The following PGC variants were observed in gnomAD, a reference collection of about 807,000 sequenced individuals.
PGC encodes progastricsin, also known as gastricsin.
Under a neutral mutation model 45.9 loss-of-function variants are expected in PGC, and 31 were observed. The ratio of observed to expected loss-of-function variants is 0.67; its 90% CI spans 0.51 to 0.91. The LOEUF (loss-of-function observed/expected upper bound fraction) is 0.91. Among genes scored for constraint, PGC ranks in the 40% least tolerant of loss-of-function variants. The pLI is 0.00. For missense variants in PGC, 477 were observed against 493.2 expected (o/e 0.97, Z 0.31); for synonymous variants, 192 against 201.8 (o/e 0.95, Z 0.41).
chr6:41,737,075 C>T, intron 8 of PGC, 71 bp from the exon 9 acceptor site: 4 of 1,455,154 alleles, frequency 2.7e-6, no homozygotes, highest in Non-Finnish European at 3.7e-6. Flanking sequence ...AGCTCTGAGC[C>T]CTGGGCTGGG....
rs576275194 is a variant in PGC, at chr6:41,743,516, C to T, written c.329-127G>A. Reference sequence around the variant, plus strand: ...CTCACATCCTGGGACCTCAGCACCCCTGGTTGCCAAGTCAAGGGGTGGCAT... The same window carrying T: ...CTCACATCCTGGGACCTCAGCACCCTTGGTTGCCAAGTCAAGGGGTGGCAT... On this transcript the variant is annotated intron_variant, in intron 3 of 8. Transcript: ENST00000373025. 15 of 698,414 alleles carry T rather than the reference C, an allele frequency of 2.1e-5. No individual in the cohort carries two copies. In the Admixed American group the frequency reaches 3.1e-4, roughly 15 times the overall value. The allele number at this position is 698,414 out of a possible 1,614,324, so 43.3% of individuals were successfully genotyped here.
chr6:41,738,157 C>CATATATATATGCAT lies in PGC; in HGVS notation c.916-330_916-329insATGCATATATATAT, dbSNP rs5875767. Among the ~76,000 whole-genome samples the CATATATATATGCAT allele has an allele frequency of 9.3e-3, 258 of 27,704 alleles. 36 individuals are homozygous for CATATATATATGCAT. Among genetic ancestry groups the CATATATATATGCAT allele is most frequent in the Middle Eastern group, 0.048 (2 of 42 alleles). The allele number at this position is 27,704 out of a possible 152,430, so 18.2% of individuals were successfully genotyped here. ...GCATATATATATGCATATATATATA[C>CATATATATATGCAT]ATATATATGCATATATATATACATA... On this transcript the variant is annotated intron_variant, in intron 7 of 8. Transcript: ENST00000373025.
chr6:41,745,637 C>T (rs1056374034), intron 1 of PGC, among the ~76,000 whole-genome samples: 1 of 151,316 alleles, frequency 6.6e-6, no homozygotes, highest in Non-Finnish European at 1.5e-5. Flanking sequence ...TCAACTTCCA[C>T]CTCCCGAGTT....
At position 41,744,919 on chromosome 6, in the gene PGC, G is replaced by C; in HGVS notation, c.60-111C>G. 1 of 926,218 alleles carries C rather than the reference G, an allele frequency of 1.1e-6. No individual in the cohort carries two copies. The highest frequency in any genetic ancestry group is 1.6e-5 in the South Asian group (1 of 62,118). The allele number at this position is 926,218 out of a possible 1,614,324, so 57.4% of individuals were successfully genotyped here. A position where few individuals can be genotyped will look rare whatever the true frequency, so the allele number is the denominator to read the frequency against. On this transcript the variant is annotated intron_variant, in intron 1 of 8. Transcript: ENST00000373025. The surrounding 1 kb of genome is among the most constrained non-coding windows in gnomAD (Gnocchi z 4.4). ...CATGCTTCAACCTCCCTGCCACTCT[G>C]TTTGTTCCCCCTTGTCTGTGTGTGT...
rs770386779 is a variant in PGC at position 41,742,413 on chromosome 6, T to C, written c.524A>G (p.Gln175Arg). Reference sequence around the variant, plus strand: ...GGCCAGGCCCATGATGCCATCAAACTGCGCATAGACGAAGTTGGTACCAGG... The same window carrying C: ...GGCCAGGCCCATGATGCCATCAAACCGCGCATAGACGAAGTTGGTACCAGG... ...NEPGTNFVYA[Q>R]FDGIMGLAYP... Residue 175 changes from glutamine (Q) to arginine (R), a missense_variant, in exon 5 of 9, where the codon CAG becomes CGG. By Grantham distance (43) the Gln-to-Arg change is conservative (BLOSUM62 1). Transcript: ENST00000373025. 1 of 1,614,078 alleles carries C rather than the reference T, an allele frequency of 6.2e-7. No homozygotes were observed. Among genetic ancestry groups the C allele is most frequent in the South Asian group, 1.1e-5 (1 of 91,074 alleles).
chr6:41,747,137 C>T lies in PGC; in HGVS notation c.59+139G>A, dbSNP rs1771942442. The T allele has an allele frequency of 8.4e-6, 6 of 712,314 alleles. No individual in the cohort carries two copies. The Admixed American group carries it at 1.2e-4, about 14-fold the overall frequency. The allele number at this position is 712,314 out of a possible 1,614,324, so 44.1% of individuals were successfully genotyped here. A position where few individuals can be genotyped will look rare whatever the true frequency, so the allele number is the denominator to read the frequency against. Reference sequence around the variant, plus strand: ...TCCACCCATGTGTCCTGTCTAACATCAGCAAAGGGAGACTTCCCTTCCCCT... The same window carrying T: ...TCCACCCATGTGTCCTGTCTAACATTAGCAAAGGGAGACTTCCCTTCCCCT... On this transcript the variant is annotated intron_variant, in intron 1 of 8. Transcript: ENST00000373025.
At chr6:41,737,515 C>T (rs776788155) in intron 8 of PGC, among the ~76,000 whole-genome samples, 50 of 152,326 alleles carry the variant, frequency 3.3e-4, no homozygotes, top group Non-Finnish European at 5.3e-4. Flanking sequence ...GTGCCTCTCC[C>T]CACTAATTAA....
intron 5 of PGC, chr6:41,741,232 T>C: frequency 6.8e-7 from 1 of 1,480,588 alleles, no homozygotes; most frequent in East Asian, 2.5e-5. Context: ...GCTGCTCTGT[T>C]TACACGCAGA....
rs768294029 is a variant in PGC, at chr6:41,743,300, T to C, written c.418A>G (p.Thr140Ala). The C allele has an allele frequency of 5.0e-6, 8 of 1,613,188 alleles. No homozygotes were observed. In the African/African-American group the frequency reaches 1.1e-4, roughly 22 times the overall value. Reference protein sequence around the residue: ...FSLQYGSGSLTGFFGYDTLTV... With the variant: ...FSLQYGSGSLAGFFGYDTLTV... Reference sequence around the variant, plus strand: ...AGGGTGTCATAGCCAAAGAAGCCGGTGAGGCTGCCACTGCCATACTGCAGG... The same window carrying C: ...AGGGTGTCATAGCCAAAGAAGCCGGCGAGGCTGCCACTGCCATACTGCAGG... Residue 140 changes from threonine to alanine, a missense_variant, in exon 4 of 9, where the codon ACC (threonine) becomes GCC (alanine). Physicochemically the swap from Thr to Ala is moderately conservative, Grantham distance 58. Coordinates refer to ENST00000373025, the MANE Select transcript of PGC (RefSeq NM_002630.4).
At chr6:41,740,696 A>G (rs963523151) in intron 5 of PGC, 86 bp from the exon 6 acceptor site, 3 of 1,505,066 alleles carry the variant, frequency 2.0e-6, no homozygotes, top group Non-Finnish European at 2.7e-6. Flanking sequence ...AGGGAAACAG[A>G]GCTCCTTCCC....
At position 41,743,377 on chromosome 6, in the gene PGC, C is replaced by A; in HGVS notation, c.341G>T (p.Arg114Leu). Residue 114 changes from arginine (R) to leucine (L), a missense_variant, in exon 4 of 9, where the codon CGC becomes CTC. Arg to Leu is a moderately radical substitution (Grantham distance 102). Coordinates refer to ENST00000373025, the MANE Select transcript of PGC (RefSeq NM_002630.4). ...GGTGGACGACTCGCTGGGGTTGAAG[C>A]GGGAGTGACTGGCTGCAGGGGAGTC... ...CQSQACTSHS[R>L]FNPSESSTYS... 6.2e-7 allele frequency: 1 copy of A among 1,611,908 alleles called. No individual in the cohort carries two copies. Among genetic ancestry groups the A allele is most frequent in the Non-Finnish European group, 8.5e-7 (1 of 1,178,042 alleles).
Position 41,743,313 on chromosome 6 carries a change from G to A in PGC, c.405C>T (p.Gly135=), listed in dbSNP as rs765453628. ...TNGQTFSLQY[G]SGSLTGFFGY... is the part of the protein sequence containing the mutation. ...CAAAGAAGCCGGTGAGGCTGCCACT[G>A]CCATACTGCAGGGAGAAGGTCTGCC... The change falls in exon 4 of 9, where the codon GGC becomes GGT. Residue 135 remains glycine (G), a synonymous_variant. Transcript: ENST00000373025. 3 of 1,613,946 alleles carry A rather than the reference G, an allele frequency of 1.9e-6. No homozygotes were observed. Among genetic ancestry groups the A allele is most frequent in the Non-Finnish European group, 1.7e-6 (2 of 1,179,792 alleles).
intron 7 of PGC, among the ~76,000 whole-genome samples, chr6:41,738,181 T>TATATATGC (rs1554138620): frequency 5.1e-4 from 21 of 41,326 alleles, no homozygotes; most frequent in Non-Finnish European, 9.4e-4. Context: ...TATATATACA[T>TATATATGC]ATATATATGC....
intron 1 of PGC, among the ~76,000 whole-genome samples, chr6:41,747,028 T>C (rs545817852): frequency 7.7e-4 from 117 of 152,338 alleles, no homozygotes; most frequent in Admixed American, 4.4e-3. Flanking sequence ...CTGTTTCAGG[T>C]CCATCTTTCC....
In PGC at chr6:41,740,583, A is replaced by T; in HGVS notation, c.675T>A (p.Val225=). 3.1e-6 allele frequency: 5 copies of T among 1,602,814 alleles called. No homozygotes were observed. The highest frequency in any genetic ancestry group is 4.3e-6 in the Non-Finnish European group (5 of 1,174,936). The change falls in exon 6 of 9, where the codon GTT becomes GTA. Residue 225 remains valine, a synonymous_variant. Coordinates refer to ENST00000373025, the MANE Select transcript of PGC (RefSeq NM_002630.4). The part of the protein sequence containing the change: ...SNQQGSSGGA[V]VFGGVDSSLY... ...GGCTGCTATCCACACCCCCAAAGAC[A>T]ACCGCTCCCCCGCTGGAGCCCTGCT...
chr6:41,741,087 G>A (rs1185273567), intron 5 of PGC: 13 of 1,537,168 alleles, frequency 8.5e-6, no homozygotes, highest in Admixed American at 3.9e-5. Flanking sequence ...ACATGTCACC[G>A]GGATCCCCAC....
At chr6:41,740,279 T>A (rs1265122315) in intron 6 of PGC, among the ~76,000 whole-genome samples, 1 of 152,184 alleles carries the variant, frequency 6.6e-6, no homozygotes, top group Non-Finnish European at 1.5e-5. Flanking sequence ...GTCCAGGTCC[T>A]GCCCCTCCCT....
intron 8 of PGC, 36 bp downstream of exon 8, chr6:41,737,694 A>C: frequency 7.6e-7 from 1 of 1,322,780 alleles, no homozygotes; most frequent in Non-Finnish European, 1.1e-6. Flanking sequence ...CCCAACCCCA[A>C]TCATGGTGGC....
chr6:41,746,913 T>C (rs574978103), intron 1 of PGC, among the ~76,000 whole-genome samples: 2 of 152,322 alleles, frequency 1.3e-5, no homozygotes, highest in South Asian at 2.1e-4. Flanking sequence ...TTAGAGAGGA[T>C]AGTGGATAAG....
Sources: gnomAD v4.1 joint callset for allele counts (sites outside exome capture counted in the v4.1 genomes callset) on GRCh38, gnomAD v4.1.1 for gene constraint, Gnocchi (gnomAD v3.1) non-coding constraint, MANE v1.5 for transcripts, NCBI Gene and HGNC (gene_info 2026-07-23, HGNC 2026-07-21) for gene names.